ARHGEF3: variants seen among roughly 807,000 people sequenced by gnomAD.
ARHGEF3 encodes the protein 59.8 kDA protein.
A neutral mutation model predicts 63.2 loss-of-function variants in ARHGEF3; 28 were observed. The observed-to-expected ratio is 0.44, with a 90% CI of 0.33 to 0.61. The LOEUF (loss-of-function observed/expected upper bound fraction) is 0.61, where lower values mean the gene tolerates loss of function less well. ARHGEF3 is among the 20% of genes least tolerant of loss of function. The pLI, the probability that ARHGEF3 is intolerant of heterozygous loss-of-function variation, is 0.03. For synonymous variants in ARHGEF3, 266 were observed against 254.2 expected, an observed-to-expected ratio of 1.05 and a Z score of -0.44; for missense variants, 533 against 659.3, an observed-to-expected ratio of 0.81 and a Z score of 2.10.
chr3:56,898,550 C>A, intron 3 of ARHGEF3: 1 of 212,968 alleles, frequency 4.7e-6, no homozygotes, highest in Non-Finnish European at 1.1e-5. Context: ...TTATGTTTAC[C>A]TGCTGTTAGT....
intron 4 of ARHGEF3, among the ~76,000 whole-genome samples, chr3:56,810,881 T>C (rs2038039979): frequency 6.6e-6 from 1 of 152,146 alleles, no homozygotes. Context: ...TCGAGTAACA[T>C]ACATAGTGTT....
intron 8 of ARHGEF3, among the ~76,000 whole-genome samples, chr3:56,734,559 CACAT>C (rs2033467501): frequency 6.6e-6 from 1 of 152,194 alleles, no homozygotes; most frequent in South Asian, 2.1e-4. Context: ...AACAAACCTG[CACAT>C]ATACCCCCTG....
intron 1 of ARHGEF3, among the ~76,000 whole-genome samples, chr3:57,040,421 GAGCTGAGATC>G (rs1358518353): frequency 6.7e-6 from 1 of 148,754 alleles, no homozygotes; most frequent in African/African-American, 2.5e-5. Context: ...AGGTTGCAGT[GAGCTGAGATC>G]ACGCCACTGC....
chr3:57,073,552 T>G (rs1287162356), intron 1 of ARHGEF3: 2 of 1,368,464 alleles, frequency 1.5e-6, no homozygotes, highest in Non-Finnish European at 1.9e-6. Context: ...CCGGGATGAT[T>G]GGTGGTGGGG....
intron 2 of ARHGEF3, among the ~76,000 whole-genome samples, chr3:56,972,226 A>T (rs931972974): frequency 6.6e-6 from 1 of 152,110 alleles, no homozygotes; most frequent in Admixed American, 6.5e-5. Flanking sequence ...AGTCCATCAA[A>T]TTACTTTGGA....
chr3:56,961,435 A>G (rs888095690), intron 2 of ARHGEF3, among the ~76,000 whole-genome samples: 2 of 152,172 alleles, frequency 1.3e-5, no homozygotes, highest in Non-Finnish European at 2.9e-5. Flanking sequence ...CAGAGGATGC[A>G]GTCCCTCTCA....
chr3:57,066,012 G>C (rs1705506380), intron 1 of ARHGEF3, among the ~76,000 whole-genome samples: 1 of 150,874 alleles, frequency 6.6e-6, no homozygotes, highest in Non-Finnish European at 1.5e-5. Context: ...GGCCAGGAGG[G>C]CAACACAGTG....
At chr3:56,822,557 A>C (rs1241399043) in intron 4 of ARHGEF3, among the ~76,000 whole-genome samples, 1 of 152,190 alleles carries the variant, frequency 6.6e-6, no homozygotes, top group Non-Finnish European at 1.5e-5. Context: ...GGGAAAATAC[A>C]CAAAATAAAA....
At chr3:56,983,288 T>A (rs1319491741) in intron 2 of ARHGEF3, among the ~76,000 whole-genome samples, 1 of 152,142 alleles carries the variant, frequency 6.6e-6, no homozygotes, top group Non-Finnish European at 1.5e-5. Context: ...TTTCCACAAG[T>A]GACCATGGTC....
At chr3:57,007,207 C>CCA in intron 2 of ARHGEF3, 1 of 1,288,336 alleles carries the variant, frequency 7.8e-7, no homozygotes, top group Non-Finnish European at 1.0e-6. Context: ...GTTCTGGAAT[C>CCA]TTAGGAGTCG....
chr3:56,770,740 C>T (rs922678297), intron 2 of ARHGEF3, among the ~76,000 whole-genome samples: 2 of 152,176 alleles, frequency 1.3e-5, no homozygotes, highest in Admixed American at 1.3e-4. Flanking sequence ...CTCTCCATAT[C>T]TATGTACATT....
At chr3:56,968,043 A>ATATAAAAC (rs1700673825) in intron 2 of ARHGEF3, among the ~76,000 whole-genome samples, 1 of 4,710 alleles carries the variant, frequency 2.1e-4, no homozygotes, top group Non-Finnish European at 3.8e-4. Context: ...ATATATATAA[A>ATATAAAAC]ATATATATAA....
intron 3 of ARHGEF3, among the ~76,000 whole-genome samples, chr3:56,954,669 C>A (rs1041088595): frequency 3.3e-5 from 5 of 152,156 alleles, no homozygotes; most frequent in African/African-American, 1.2e-4. Flanking sequence ...TTGGTAACAC[C>A]CAGGGCCTCT....
chr3:56,817,404 T>C (rs912246097), intron 4 of ARHGEF3, among the ~76,000 whole-genome samples: 2 of 152,220 alleles, frequency 1.3e-5, no homozygotes, highest in African/African-American at 2.4e-5. Flanking sequence ...CTCAGATTTT[T>C]AAACAATTTC....
intron 2 of ARHGEF3, among the ~76,000 whole-genome samples, chr3:56,967,961 A>AATATATTATATATTATATATATTAT (rs1700663569): frequency 3.0e-5 from 2 of 66,434 alleles, no homozygotes; most frequent in South Asian, 4.7e-4. Context: ...ATATATATAA[A>AATATATTATATATTATATATATTAT]ATATATTTTA....
At chr3:56,979,293 C>G (rs754227758) in intron 2 of ARHGEF3, among the ~76,000 whole-genome samples, 6 of 152,260 alleles carry the variant, frequency 3.9e-5, no homozygotes, top group African/African-American at 7.2e-5. Context: ...CACACTCATC[C>G]CATTTTGCAA....
intron 2 of ARHGEF3, among the ~76,000 whole-genome samples, chr3:57,002,569 T>C (rs1332558594): frequency 2.1e-5 from 3 of 142,552 alleles, no homozygotes; most frequent in African/African-American, 7.8e-5. Context: ...ATGTTATATG[T>C]ATGTTATATG....
At chr3:56,783,775 T>C (rs1485343070) in intron 1 of ARHGEF3, among the ~76,000 whole-genome samples, 2 of 152,228 alleles carry the variant, frequency 1.3e-5, no homozygotes, top group Non-Finnish European at 2.9e-5. Flanking sequence ...TCAAAGTTAC[T>C]CGTTTTAGTC....
At chr3:56,995,562 T>C (rs1361343728) in intron 2 of ARHGEF3, among the ~76,000 whole-genome samples, 2 of 147,712 alleles carry the variant, frequency 1.4e-5, no homozygotes, top group Non-Finnish European at 3.0e-5. Flanking sequence ...CCAAAGTGAC[T>C]GGACTCAAAG....
Sources: gnomAD v4.1 joint callset for allele counts (sites outside exome capture counted in the v4.1 genomes callset) on GRCh38, gnomAD v4.1.1 for gene constraint, MANE v1.5 for transcripts, NCBI Gene and HGNC (gene_info 2026-07-23, HGNC 2026-07-21) for gene names.